SRGAP2: variants seen among roughly 807,000 people sequenced by gnomAD.
SRGAP2 encodes the protein SLIT-ROBO Rho GTPase-activating protein 2.
Under a neutral mutation model 57.2 loss-of-function variants are expected in SRGAP2, and 15 were observed. The ratio of observed to expected loss-of-function variants is 0.26; its 90% CI spans 0.18 to 0.40. The LOEUF (loss-of-function observed/expected upper bound fraction) is 0.40. SRGAP2 is among the 10% of genes least tolerant of loss of function. The pLI is 1.00. For synonymous variants in SRGAP2, 249 were observed against 248.0 expected (o/e 1.00, Z -0.04); for missense variants, 520 against 669.6 (o/e 0.78, Z 2.47).
chr1:206,454,742 C>T lies in SRGAP2; in HGVS notation c.2361-136C>T, dbSNP rs1663671281. ...CCTTGCCTCTGCTCACAGAACTAGT[C>T]CAGCCAGGTGTCGCTGCTGCCTCAG... On this transcript the variant is annotated intron_variant, in intron 20 of 22. Coordinates refer to ENST00000573034, the MANE Select transcript of SRGAP2 (RefSeq NM_015326.5). This position sits in a 1 kb window ranked among gnomAD's most constrained non-coding sequence, Gnocchi z 4.3. 2.5e-5 allele frequency: 15 copies of T among 605,952 alleles called. 1 individual carries two copies. The South Asian group carries it at 3.0e-4, about 12-fold the overall frequency. 37.5% of individuals were successfully genotyped at this position (605,952 alleles called of 1,614,324 possible).
intron 19 of SRGAP2, among the ~76,000 whole-genome samples, chr1:206,452,031 C>G (rs1014529640): frequency 6.6e-6 from 1 of 152,186 alleles, no homozygotes; most frequent in African/African-American, 2.4e-5. Context: ...TCTCTTTGCT[C>G]TTTGATCTCT....
chr1:206,363,549 A>G (rs1553341010), intron 4 of SRGAP2, among the ~76,000 whole-genome samples: 1 of 151,852 alleles, frequency 6.6e-6, no homozygotes, highest in Non-Finnish European at 1.5e-5. Context: ...GTCCAATTCA[A>G]ATTTCTGGTT....
At chr1:206,402,425 CA>C (rs1388029488) in intron 8 of SRGAP2, among the ~76,000 whole-genome samples, 1 of 152,172 alleles carries the variant, frequency 6.6e-6, no homozygotes, top group East Asian at 1.9e-4. Flanking sequence ...CTTTTGGTTC[CA>C]CTTGTGTGGT....
chr1:206,418,033 T>C (rs1659898473), intron 11 of SRGAP2, among the ~76,000 whole-genome samples: 1 of 151,088 alleles, frequency 6.6e-6, no homozygotes, highest in Non-Finnish European at 1.5e-5. Context: ...TGTGCTACTA[T>C]GGAGGGATGA....
chr1:206,213,532 T>G (rs1465206138), intron 2 of SRGAP2, among the ~76,000 whole-genome samples: 43 of 151,838 alleles, frequency 2.8e-4, no homozygotes, highest in African/African-American at 9.2e-4. Context: ...GTTACTCTGC[T>G]TTTAGGAGGG....
At chr1:206,322,529 G>A (rs1364163912) in intron 3 of SRGAP2, among the ~76,000 whole-genome samples, 8 of 145,608 alleles carry the variant, frequency 5.5e-5, no homozygotes, top group Admixed American at 1.4e-4. Flanking sequence ...GCAGTGAGCC[G>A]AGATCGTGCC....
intron 4 of SRGAP2, among the ~76,000 whole-genome samples, chr1:206,353,953 T>C (rs1676239229): frequency 6.6e-6 from 1 of 151,512 alleles, no homozygotes; most frequent in Non-Finnish European, 1.5e-5. Context: ...GTGTGTACCA[T>C]CATGCTTGGC....
chr1:206,321,750 G>T (rs2102833195), intron 3 of SRGAP2, among the ~76,000 whole-genome samples: 1 of 148,884 alleles, frequency 6.7e-6, no homozygotes, highest in South Asian at 2.2e-4. Context: ...TCTATATTTG[G>T]CCAATGGAGT....
In SRGAP2 at chr1:206,462,861, C is replaced by T. The variant is rs1468560728; in HGVS notation, c.*1441C>T. On this transcript the variant is annotated 3_prime_UTR_variant, in exon 23 of 23. Transcript: ENST00000573034. ...AACCTGGTGCCTGTGCTCCTGGCCC[C>T]CCTAGCATCATGCTATCCCAGGAGT... is the stretch of plus-strand genomic sequence containing the variant. 1.3e-5 allele frequency: 2 copies of T among 152,216 alleles called. No individual in the cohort carries two copies. The highest frequency in any genetic ancestry group is 2.9e-5 in the Non-Finnish European group (2 of 68,040). The allele number at this position is 152,216 out of a possible 1,614,324, so 9.4% of individuals were successfully genotyped here. A position where few individuals can be genotyped will look rare whatever the true frequency, so the allele number is the denominator to read the frequency against.
intron 2 of SRGAP2, among the ~76,000 whole-genome samples, chr1:206,253,122 G>A (rs1435388297): frequency 1.4e-5 from 2 of 148,058 alleles, no homozygotes; most frequent in South Asian, 2.3e-4. Context: ...CTCTGGAGCT[G>A]TTGAGGTCGG....
rs536129517 is a variant in SRGAP2 at position 206,463,169 on chromosome 1, T to C, written c.*1749T>C. 12 of 152,204 alleles carry C rather than the reference T, an allele frequency of 7.9e-5. No individual in the cohort carries two copies. In the South Asian group the frequency reaches 2.1e-3, roughly 26 times the overall value. 9.4% of individuals were successfully genotyped at this position (152,204 alleles called of 1,614,324 possible). ...TAGGATTTTTTTTTTTTTAATCCTG[T>C]GCAAAGGAAAAGAGGTGCTTTGTGG... is the stretch of plus-strand genomic sequence containing the variant. On this transcript the variant is annotated 3_prime_UTR_variant, in exon 23 of 23. Transcript: ENST00000573034.
At position 206,389,165 on chromosome 1, in the gene SRGAP2, C is replaced by CTTTTT. The variant is rs71274650; in HGVS notation, c.487-3501_487-3497dup. Among the ~76,000 whole-genome samples the CTTTTT allele has an allele frequency of 5.2e-4, 38 of 73,074 alleles. 1 individual carries two copies. The highest frequency in any genetic ancestry group is 2.2e-3 in the African/African-American group (35 of 15,822). The allele number at this position is 73,074 out of a possible 152,430, so 47.9% of individuals were successfully genotyped here. ...TGGGGCCTCACTGTTCTCAGACTTC[C>CTTTTT]TTTTTTTTTTTTTTTTTTTTTTTTT... On this transcript the variant is annotated intron_variant, in intron 5 of 22. Transcript: ENST00000573034.
intron 10 of SRGAP2, among the ~76,000 whole-genome samples, chr1:206,411,360 G>T (rs916173153): frequency 3.3e-5 from 5 of 152,172 alleles, no homozygotes; most frequent in Admixed American, 6.5e-5. Context: ...TGGAACTTGT[G>T]GTCTGAGATC....
At chr1:206,210,589 A>G (rs1666256742) in intron 2 of SRGAP2, among the ~76,000 whole-genome samples, 1 of 149,462 alleles carries the variant, frequency 6.7e-6, no homozygotes, top group Non-Finnish European at 1.5e-5. Flanking sequence ...TTAAAACTGG[A>G]GTCGTATTGT....
intron 4 of SRGAP2, among the ~76,000 whole-genome samples, chr1:206,359,798 C>CTTTTTTTTTTTTTTTTTTTTTTTT (rs1166916482): frequency 1.4e-5 from 1 of 70,212 alleles, no homozygotes; most frequent in African/African-American, 5.9e-5. Context: ...GGATATTGCT[C>CTTTTTTTTTTTTTTTTTTTTTTTT]TTTTTTTTTT....
At chr1:206,276,937 A>T (rs1670445614) in intron 2 of SRGAP2, among the ~76,000 whole-genome samples, 1 of 149,862 alleles carries the variant, frequency 6.7e-6, no homozygotes, top group African/African-American at 2.5e-5. Context: ...GGCTTTTAGG[A>T]TACATCCCCA....
chr1:206,258,180 C>A (rs1669311804), intron 2 of SRGAP2, among the ~76,000 whole-genome samples: 1 of 150,894 alleles, frequency 6.6e-6, no homozygotes, highest in Non-Finnish European at 1.5e-5. Flanking sequence ...CAAACTACAG[C>A]CCATGGGTCA....
intron 7 of SRGAP2, among the ~76,000 whole-genome samples, chr1:206,399,602 CA>C (rs1232381028): frequency 5.3e-5 from 8 of 150,796 alleles, no homozygotes; most frequent in Non-Finnish European, 1.0e-4. Flanking sequence ...TTACCAAAAA[CA>C]GGTAAAAGTT....
chr1:206,216,664 C>T (rs1311294360), intron 2 of SRGAP2, among the ~76,000 whole-genome samples: 1 of 150,514 alleles, frequency 6.6e-6, no homozygotes, highest in Non-Finnish European at 1.5e-5. Flanking sequence ...CTTATTTATA[C>T]GTTGTGAATG....
Sources: gnomAD v4.1 joint callset for allele counts (sites outside exome capture counted in the v4.1 genomes callset) on GRCh38, gnomAD v4.1.1 for gene constraint, Gnocchi (gnomAD v3.1) non-coding constraint, MANE v1.5 for transcripts, NCBI Gene and HGNC (gene_info 2026-07-23, HGNC 2026-07-21) for gene names.